The following ASGR1 variants were observed in gnomAD, a reference collection of about 807,000 sequenced individuals.
ASGR1 encodes C-type lectin domain family 4 member H1.
In ASGR1, 35 loss-of-function variants were observed where a neutral mutation model predicts 33.1. The ratio of observed to expected loss-of-function variants is 1.06; its 90% CI spans 0.81 to 1.40. The LOEUF is 1.40. ASGR1 is among the 40% of genes most tolerant of loss of function. ASGR1 has a pLI of 0.00. For synonymous variants in ASGR1, 142 were observed against 152.5 expected, an observed-to-expected ratio of 0.93 and a Z score of 0.51; for missense variants, 396 against 373.7, an observed-to-expected ratio of 1.06 and a Z score of -0.49.
At position 7,174,580 on chromosome 17, in the gene ASGR1, A is replaced by C; in HGVS notation, c.356-120T>G. The C allele has an allele frequency of 4.9e-6, 5 of 1,015,160 alleles. No homozygotes were observed. The South Asian group carries it at 7.8e-5, about 16-fold the overall frequency. 62.9% of individuals were successfully genotyped at this position (1,015,160 alleles called of 1,614,324 possible). A position where few individuals can be genotyped will look rare whatever the true frequency, so the allele number is the denominator to read the frequency against. ...CCCGAACACCCGTCGCATTGCCACA[A>C]ACAGCAGCGGAGTTGGCCTGAGAGA... is the stretch of plus-strand genomic sequence containing the variant. On this transcript the variant is annotated intron_variant, in intron 5 of 8. Transcript: ENST00000269299.
chr17:7,178,266 G>A (rs1292131920), intron 2 of ASGR1: 12 of 558,336 alleles, frequency 2.1e-5, no homozygotes, highest in African/African-American at 3.8e-5. Flanking sequence ...ACCTCCGAGG[G>A]CCAGGAGGCA....
chr17:7,176,277 AC>A (rs1258961672), intron 5 of ASGR1, among the ~76,000 whole-genome samples: 2 of 135,658 alleles, frequency 1.5e-5, no homozygotes, highest in African/African-American at 2.9e-5. Flanking sequence ...TCACTCACAC[AC>A]CCCATCTCAT....
chr17:7,178,207 C>G (rs1005445081), intron 2 of ASGR1: 6 of 463,454 alleles, frequency 1.3e-5, no homozygotes, highest in African/African-American at 1.2e-4. Context: ...AGGAAGCCGA[C>G]AGTGACCTCA....
chr17:7,178,648 A>T (rs1254237588), intron 1 of ASGR1, 60 bp from the exon 2 acceptor site: 1 of 1,219,830 alleles, frequency 8.2e-7, no homozygotes. Context: ...AGTGGGAATG[A>T]GGGGCCCATC....
intron 5 of ASGR1, 195 bp downstream of exon 5, chr17:7,176,635 T>G: frequency 3.0e-6 from 2 of 655,966 alleles, no homozygotes; most frequent in Non-Finnish European, 5.1e-6. Flanking sequence ...CTCCCTCTCA[T>G]TCTCACATCC....
At chr17:7,175,141 CAACACACACAA>C (rs899372560) in intron 5 of ASGR1, among the ~76,000 whole-genome samples, 1 of 150,046 alleles carries the variant, frequency 6.7e-6, no homozygotes, top group Admixed American at 6.6e-5. Context: ...CACATACACA[CAACACACACAA>C]AACACACACA....
At chr17:7,176,361 C>T (rs955150851) in intron 5 of ASGR1, among the ~76,000 whole-genome samples, 1 of 150,848 alleles carries the variant, frequency 6.6e-6, no homozygotes, top group Non-Finnish European at 1.5e-5. Context: ...CAGACACACA[C>T]ACCCCATCTC....
chr17:7,178,482 G>T lies in ASGR1; in HGVS notation c.70+12C>A. On this transcript the variant is annotated intron_variant, in intron 2 of 8. Transcript: ENST00000269299. ...TTCTCGCCTTGCAGAGGCAGGGCAA[G>T]GTGGCCCTCACCTTTTCTGAGCTGA... 1 of 1,613,512 alleles carries T rather than the reference G, an allele frequency of 6.2e-7. No homozygotes were observed. The highest frequency in any genetic ancestry group is 8.5e-7 in the Non-Finnish European group (1 of 1,179,426).
intron 1 of ASGR1, 31 bp from the exon 2 acceptor site, chr17:7,178,619 G>A (rs1567794893): frequency 6.5e-7 from 1 of 1,536,714 alleles, no homozygotes; most frequent in Non-Finnish European, 8.9e-7. Flanking sequence ...GGGCTGAGGT[G>A]GGGGCTCACC....
chr17:7,176,524 T>G, intron 5 of ASGR1: 19 of 306,974 alleles, frequency 6.2e-5, no homozygotes, highest in East Asian at 3.0e-4. Context: ...CCCCCTCTCA[T>G]TCCCACACAC....
In ASGR1 at chr17:7,177,281, G is replaced by A. The variant is rs2069229702; in HGVS notation, c.116C>T (p.Pro39Leu). Reference protein sequence around the residue: ...QPLLQRLCSGPRLLLLSLGLS... With the variant: ...QPLLQRLCSGLRLLLLSLGLS... ...GCCCAGGGAGAGCAGGAGGAGGCGAGGTCCGGAGCAGAGACGCTGCAGGAG... is the reference window on the plus strand; with the variant it reads ...GCCCAGGGAGAGCAGGAGGAGGCGAAGTCCGGAGCAGAGACGCTGCAGGAG... Residue 39 changes from proline (P) to leucine (L), a missense_variant, in exon 3 of 9, where the codon CCT (proline) becomes CTT (leucine). Pro to Leu is a moderately conservative substitution (Grantham distance 98). Transcript: ENST00000269299. 1 of 1,613,740 alleles carries A rather than the reference G, an allele frequency of 6.2e-7. No homozygotes were observed. The highest frequency in any genetic ancestry group is 8.5e-7 in the Non-Finnish European group (1 of 1,179,928).
At position 7,174,079 on chromosome 17, in the gene ASGR1, G is replaced by A. The variant is rs984433142; in HGVS notation, c.595-12C>T. On this transcript the variant is annotated splice_polypyrimidine_tract_variant and intron_variant, in intron 7 of 8. Transcript: ENST00000269299. ...TGCTGGACAAATTTCTGAGGAGAGA[G>A]AAGGCGGGTGGTGATCTCTCCGAGG... 1.2e-6 allele frequency: 2 copies of A among 1,614,100 alleles called. No individual in the cohort carries two copies. The highest frequency in any genetic ancestry group is 1.7e-6 in the Non-Finnish European group (2 of 1,180,024).
Position 7,174,281 on chromosome 17 carries a change from T to C in ASGR1, c.451A>G (p.Arg151Gly), listed in dbSNP as rs1211886914. 2 of 1,613,926 alleles carry C rather than the reference T, an allele frequency of 1.2e-6. No homozygotes were observed. Among genetic ancestry groups the C allele is most frequent in the East Asian group, 2.2e-5 (1 of 44,884 alleles). ...ACCCAGTTGACCGGGCAGCAGGTCC[T>C]TTCTGAGCCTGAGCGGGAGAAACGG... is the stretch of plus-strand genomic sequence containing the variant. ...MAALQGNGSE[R>G]TCCPVNWVEH... Residue 151 changes from arginine to glycine, a missense_variant, in exon 7 of 9, where the codon AGG becomes GGG. Arg to Gly is a moderately radical substitution (Grantham distance 125). Transcript: ENST00000269299.
rs908890756 is a variant in ASGR1, at chr17:7,174,539, C to A, written c.356-79G>T. The A allele has an allele frequency of 6.9e-6, 10 of 1,455,326 alleles. No individual in the cohort carries two copies. In the African/African-American group the frequency reaches 1.4e-4, roughly 20 times the overall value. 90.2% of individuals were successfully genotyped at this position (1,455,326 alleles called of 1,614,324 possible). On this transcript the variant is annotated intron_variant, in intron 5 of 8. Transcript: ENST00000269299. The stretch of plus-strand genomic sequence containing the variant: ...GAAACGGGAAACGAGGTCAGCCCTA[C>A]ATCCTCCTGCTGGGACCCGAACACC...
rs1597424525 is a variant in ASGR1, at chr17:7,177,250, G to A, written c.147C>T (p.Ser49=). The A allele has an allele frequency of 1.2e-6, 2 of 1,613,738 alleles. No homozygotes were observed. The highest frequency in any genetic ancestry group is 1.1e-5 in the South Asian group (1 of 91,036). Reference sequence around the variant, plus strand: ...CACAGACAACCACAAGCAGCAGGAGGCTGAGGCCCAGGGAGAGCAGGAGGA... The same window carrying A: ...CACAGACAACCACAAGCAGCAGGAGACTGAGGCCCAGGGAGAGCAGGAGGA... The part of the protein sequence containing the change: ...PRLLLLSLGL[S]LLLLVVVCVI... The change falls in exon 3 of 9, where the codon AGC becomes AGT. Residue 49 remains serine, a synonymous_variant. Transcript: ENST00000269299.
At chr17:7,178,770 C>G in intron 1 of ASGR1, 182 bp from the exon 2 acceptor site, 1 of 458,948 alleles carries the variant, frequency 2.2e-6, no homozygotes, top group Non-Finnish European at 3.7e-6. Context: ...GGGAGTCTTG[C>G]TCTGTCCCCA....
rs151095348 is a variant in ASGR1 at position 7,174,500 on chromosome 17, A to G, written c.356-40T>C. On this transcript the variant is annotated intron_variant, in intron 5 of 8. Coordinates refer to ENST00000269299, the MANE Select transcript of ASGR1 (RefSeq NM_001671.5). ...CGGAGGGGAGCGGGAGGAGATGCGG[A>G]AACCACGGGGAGGGAAACGGGAAAC... The G allele has an allele frequency of 5.7e-5, 91 of 1,591,066 alleles. No homozygotes were observed. In the African/African-American group the frequency reaches 9.4e-4, roughly 16 times the overall value.
chr17:7,175,257 TCACA>T (rs559956547), intron 5 of ASGR1, among the ~76,000 whole-genome samples: 1,755 of 130,998 alleles, frequency 0.013, 17 homozygotes, highest in Middle Eastern at 0.041. Context: ...ACATACACCC[TCACA>T]CACACACACG....
rs749872839 is a variant in ASGR1, at chr17:7,173,610, A to T, written c.*49T>A. On this transcript the variant is annotated 3_prime_UTR_variant, in exon 9 of 9. Coordinates refer to ENST00000269299, the MANE Select transcript of ASGR1 (RefSeq NM_001671.5). This position sits in a 1 kb window ranked among gnomAD's most constrained non-coding sequence, Gnocchi z 4.7. Reference sequence around the variant, plus strand: ...GCAGAAGAGGCCCCCAGATGGGCGGATTCCCAATCCCGGACCCCTGCGGCA... The same window carrying T: ...GCAGAAGAGGCCCCCAGATGGGCGGTTTCCCAATCCCGGACCCCTGCGGCA... 4.2e-5 allele frequency: 68 copies of T among 1,609,484 alleles called. No individual in the cohort carries two copies. Among genetic ancestry groups the T allele is most frequent in the Non-Finnish European group, 5.7e-5 (67 of 1,179,348 alleles).
Sources: gnomAD v4.1 joint callset for allele counts (sites outside exome capture counted in the v4.1 genomes callset) on GRCh38, gnomAD v4.1.1 for gene constraint, Gnocchi (gnomAD v3.1) non-coding constraint, MANE v1.5 for transcripts, NCBI Gene and HGNC (gene_info 2026-07-23, HGNC 2026-07-21) for gene names.